Variants in CASK observed in about 807,000 individuals in gnomAD.
CASK encodes peripheral plasma membrane protein CASK.
In CASK, 4 loss-of-function variants were observed where a neutral mutation model predicts 82.9. The observed-to-expected ratio is 0.05, with a 90% confidence interval of 0.02 to 0.11. The LOEUF is 0.11. CASK is among the 10% of genes least tolerant of loss of function. CASK has a pLI of 1.00. For synonymous variants in CASK, 259 were observed against 253.5 expected (o/e 1.02, Z -0.20); for missense variants, 358 against 720.9 (o/e 0.50, Z 5.76).
chrX:41,629,627 C>T (rs1316842543), intron 9 of CASK, among the ~76,000 whole-genome samples: 2 of 111,721 alleles, frequency 1.8e-5, no homozygotes, highest in African/African-American at 6.5e-5. Context: ...GTATTTTAGG[C>T]TCTAAAGGTC....
chrX:41,622,089 G>A (rs1017673523), intron 11 of CASK, among the ~76,000 whole-genome samples: 1 of 111,957 alleles, frequency 8.9e-6, no homozygotes, highest in African/African-American at 3.2e-5. Context: ...ATGCCCCTTT[G>A]TAATTAAAAT....
intron 25 of CASK, among the ~76,000 whole-genome samples, chrX:41,526,349 C>T (rs1036169121): frequency 1.5e-4 from 17 of 111,870 alleles, no homozygotes; most frequent in African/African-American, 5.2e-4. Flanking sequence ...GAAGTCCACC[C>T]AGCCTGGATG....
chrX:41,808,489 G>C (rs1453082976), intron 2 of CASK, among the ~76,000 whole-genome samples: 1 of 111,986 alleles, frequency 8.9e-6, no homozygotes, highest in Non-Finnish European at 1.9e-5. Context: ...AGCTTTGTTA[G>C]ATAAAACTCT....
chrX:41,746,799 C>T (rs1030052535), intron 3 of CASK, among the ~76,000 whole-genome samples: 4 of 111,397 alleles, frequency 3.6e-5, no homozygotes, highest in African/African-American at 1.3e-4. Flanking sequence ...CTTGTTATGC[C>T]TCCCTTCATA....
chrX:41,521,942 G>A (rs1824800957), intron 26 of CASK, among the ~76,000 whole-genome samples: 1 of 112,036 alleles, frequency 8.9e-6, no homozygotes, highest in South Asian at 3.7e-4. Flanking sequence ...ACTAGTGCCA[G>A]TCATTATAGG....
chrX:41,688,823 G>A (rs1014682387), intron 5 of CASK: 2 of 109,249 alleles, frequency 1.8e-5, no homozygotes, highest in Admixed American at 9.9e-5. Flanking sequence ...GTTCAGTGTT[G>A]GTTGAGCTTA....
At chrX:41,598,101 C>T (rs1156752987) in intron 12 of CASK, among the ~76,000 whole-genome samples, 5 of 107,731 alleles carry the variant, frequency 4.6e-5, no homozygotes, top group East Asian at 2.9e-4. Context: ...ATTGCATGAC[C>T]GCACTCCAGC....
chrX:41,859,845 C>T (rs1038171380), intron 1 of CASK, among the ~76,000 whole-genome samples: 2 of 111,075 alleles, frequency 1.8e-5, no homozygotes, highest in African/African-American at 6.6e-5. Flanking sequence ...AATGTTGTGA[C>T]CAGAGGTTTG....
chrX:41,534,378 C>G (rs944065255), intron 24 of CASK, among the ~76,000 whole-genome samples: 21 of 93,107 alleles, frequency 2.3e-4, no homozygotes, highest in Non-Finnish European at 4.4e-4. Context: ...ATGGATAAAA[C>G]TAATTTTATT....
At chrX:41,796,667 GC>G (rs1173230868) in intron 2 of CASK, among the ~76,000 whole-genome samples, 1 of 111,973 alleles carries the variant, frequency 8.9e-6, no homozygotes, top group Non-Finnish European at 1.9e-5. Context: ...TATGTGTGTG[GC>G]CTACTGATTA....
chrX:41,856,988 A>C (rs2071385512), intron 1 of CASK, among the ~76,000 whole-genome samples: 1 of 110,335 alleles, frequency 9.1e-6, no homozygotes, highest in Non-Finnish European at 1.9e-5. Context: ...GCAGGAGATG[A>C]AAGACTTTTC....
chrX:41,757,082 C>T lies in CASK; in HGVS notation c.279-11481G>A, dbSNP rs370812942. Among the ~76,000 whole-genome samples, 3 of 111,986 alleles carry T rather than the reference C, an allele frequency of 2.7e-5. No individual in the cohort carries two copies. The East Asian group carries it at 8.4e-4, about 31-fold the overall frequency. On this transcript the variant is annotated intron_variant, in intron 3 of 26. Transcript: ENST00000378163. ...TTTTTAAAATACAGAGCCTATGTCC[C>T]CATCTTTCCAGATGATACATATGAA...
At chrX:41,641,023 T>A (rs1422827333) in intron 8 of CASK, among the ~76,000 whole-genome samples, 6 of 99,896 alleles carry the variant, frequency 6.0e-5, no homozygotes, top group African/African-American at 2.2e-4. Flanking sequence ...CTCACTCTTG[T>A]TGCCCAGGCT....
intron 8 of CASK, among the ~76,000 whole-genome samples, chrX:41,640,977 CTTTTTTTTTTTTTTTTT>C (rs933827422): frequency 2.0e-5 from 1 of 49,716 alleles, no homozygotes; most frequent in Non-Finnish European, 3.6e-5. Context: ...GGTATCTCGT[CTTTTTTTTTTTTTTTTT>C]TTTTTTTTGA....
At chrX:41,803,117 C>G (rs2070036017) in intron 2 of CASK, among the ~76,000 whole-genome samples, 1 of 111,126 alleles carries the variant, frequency 9.0e-6, no homozygotes, top group South Asian at 3.8e-4. Context: ...ACGAGCCCAG[C>G]AGGCCAGGAC....
At chrX:41,551,879 CAAAA>C (rs1192377020) in intron 21 of CASK, among the ~76,000 whole-genome samples, 1 of 23,344 alleles carries the variant, frequency 4.3e-5, no homozygotes, top group Non-Finnish European at 7.5e-5. Flanking sequence ...GACTCCGTCT[CAAAA>C]AAAAAAAAAA....
At chrX:41,620,457 C>T (rs904083691) in intron 11 of CASK, among the ~76,000 whole-genome samples, 4 of 111,782 alleles carry the variant, frequency 3.6e-5, no homozygotes, top group Non-Finnish European at 5.6e-5. Context: ...ATTATATTAG[C>T]GATCAATTAA....
intron 12 of CASK, among the ~76,000 whole-genome samples, chrX:41,594,863 G>A (rs1403939670): frequency 9.0e-6 from 1 of 111,697 alleles, no homozygotes; most frequent in Non-Finnish European, 1.9e-5. Context: ...AGCCAACACT[G>A]GGGTGTCTGC....
At chrX:41,833,545 T>C (rs778241328) in intron 2 of CASK, among the ~76,000 whole-genome samples, 2 of 111,136 alleles carry the variant, frequency 1.8e-5, no homozygotes, top group East Asian at 5.7e-4. Context: ...ATGAAAATGT[T>C]CTGAAAATAG....
Sources: allele counts gnomAD v4.1 joint callset (sites outside exome capture counted in the v4.1 genomes callset), GRCh38; gene constraint gnomAD v4.1.1; transcripts MANE v1.5; gene names NCBI Gene and HGNC (gene_info 2026-07-23, HGNC 2026-07-21).